Variants in WDR35 observed in about 807,000 individuals in gnomAD.
The protein encoded by WDR35 is WD repeat domain 35.
In WDR35, 118 loss-of-function variants were observed where a neutral mutation model predicts 158.3. That is an observed-to-expected ratio of 0.75 (90% CI 0.64 to 0.87). The LOEUF (loss-of-function observed/expected upper bound fraction) is 0.87. WDR35 is among the 40% of genes least tolerant of loss of function. WDR35 has a pLI of 0.00. For synonymous variants in WDR35, 448 were observed against 476.1 expected, an observed-to-expected ratio of 0.94 and a Z score of 0.77; for missense variants, 1,263 against 1,405.8, an observed-to-expected ratio of 0.90 and a Z score of 1.62.
chr2:19,919,497 C>T (rs540289370), intron 25 of WDR35, among the ~76,000 whole-genome samples: 11 of 151,216 alleles, frequency 7.3e-5, no homozygotes, highest in South Asian at 2.1e-4. Context: ...GGGCAAATAA[C>T]GAAATGAAGG....
intron 12 of WDR35, chr2:19,952,030 A>T (rs1671253560): frequency 6.5e-6 from 1 of 152,856 alleles, no homozygotes; most frequent in Non-Finnish European, 1.5e-5. Flanking sequence ...TTTTAAAATA[A>T]ATTTAAGGGG....
At chr2:19,988,650 G>A (rs569297368) in intron 2 of WDR35, among the ~76,000 whole-genome samples, 204 of 152,254 alleles carry the variant, frequency 1.3e-3, no homozygotes, top group Non-Finnish European at 2.4e-3. Flanking sequence ...GCTAAGAAGT[G>A]GGAAGCTGTT....
intron 3 of WDR35, among the ~76,000 whole-genome samples, chr2:19,982,169 T>C (rs1380707516): frequency 6.6e-6 from 1 of 152,158 alleles, no homozygotes; most frequent in Non-Finnish European, 1.5e-5. Context: ...ATATTCAACA[T>C]TTTAGTATAA....
At position 19,974,568 on chromosome 2, in the gene WDR35, C is replaced by A. The variant is rs781016618; in HGVS notation, c.636G>T (p.Trp212Cys). The stretch of plus-strand genomic sequence containing the variant: ...CCACGTAGCCTTCTGTGCCATGGTA[C>A]CAATGAATTCCAGCAATGCTGATAG... ...TGAISIAGIH[W>C]YHGTEGYVEP... is the part of the protein sequence containing the mutation. The change falls in exon 7 of 27, where the codon TGG (tryptophan) becomes TGT (cysteine). Residue 212 changes from tryptophan to cysteine, a missense_variant. Coordinates refer to ENST00000281405, the MANE Select transcript of WDR35 (RefSeq NM_020779.4). 6.2e-7 allele frequency: 1 copy of A among 1,613,446 alleles called. No homozygotes were observed. Among genetic ancestry groups the A allele is most frequent in the Non-Finnish European group, 8.5e-7 (1 of 1,179,768 alleles).
intron 11 of WDR35, among the ~76,000 whole-genome samples, chr2:19,957,656 G>A (rs1237650395): frequency 7.2e-5 from 11 of 151,774 alleles, no homozygotes; most frequent in Admixed American, 2.0e-4. Flanking sequence ...GGGTTCAAGC[G>A]ATTCTCCTGC....
chr2:19,970,530 A>T (rs1672005840), intron 8 of WDR35, among the ~76,000 whole-genome samples: 2 of 152,142 alleles, frequency 1.3e-5, no homozygotes, highest in Admixed American at 6.5e-5. Flanking sequence ...TGGAACACAG[A>T]TCTAATCATA....
chr2:19,958,246 T>C (rs973807305), intron 11 of WDR35, among the ~76,000 whole-genome samples: 2 of 152,218 alleles, frequency 1.3e-5, no homozygotes, highest in East Asian at 1.9e-4. Context: ...ATGGCCACTT[T>C]CCATGCCTTC....
intron 25 of WDR35, 37 bp from the exon 26 acceptor site, chr2:19,914,314 A>C: frequency 6.2e-7 from 1 of 1,612,046 alleles, no homozygotes; most frequent in Non-Finnish European, 8.5e-7. Context: ...TTTTAAAATA[A>C]TTATTATGAT....
At chr2:19,956,889 G>A (rs1671461936) in intron 11 of WDR35, among the ~76,000 whole-genome samples, 1 of 152,158 alleles carries the variant, frequency 6.6e-6, no homozygotes, top group Non-Finnish European at 1.5e-5. Flanking sequence ...AAAGTGCTGG[G>A]ATTACAGGCG....
chr2:19,950,321 A>G (rs1671196305), intron 13 of WDR35, among the ~76,000 whole-genome samples: 1 of 139,224 alleles, frequency 7.2e-6, no homozygotes, highest in African/African-American at 2.7e-5. Context: ...AAAGACAGAA[A>G]AAGACCTATC....
chr2:19,924,360 C>G (rs1266656132), intron 25 of WDR35, among the ~76,000 whole-genome samples: 2 of 151,836 alleles, frequency 1.3e-5, no homozygotes, highest in African/African-American at 2.4e-5. Context: ...GTCAGGAGAT[C>G]GAGACCATCC....
Position 19,914,269 on chromosome 2 carries a change from G to T in WDR35, c.3130C>A (p.Leu1044Met), listed in dbSNP as rs780282324. The change falls in exon 26 of 27, where the codon CTG becomes ATG. Residue 1044 changes from leucine (L) to methionine (M), a missense_variant. Physicochemically the swap from Leu to Met is conservative, Grantham distance 15. Coordinates refer to ENST00000281405, the MANE Select transcript of WDR35 (RefSeq NM_020779.4). ...GGGATGATGTCTTCATAGTCTTTCA[G>T]GTGAAGAGCTAAGAAAAACAGGGCA... ...VDTALKTALH[L>M]KDYEDIIPPV... 17 of 1,614,062 alleles carry T rather than the reference G, an allele frequency of 1.1e-5. No homozygotes were observed. The East Asian group carries it at 3.6e-4, about 34-fold the overall frequency.
intron 8 of WDR35, among the ~76,000 whole-genome samples, chr2:19,973,299 T>C (rs970306991): frequency 6.6e-6 from 1 of 152,092 alleles, no homozygotes; most frequent in Non-Finnish European, 1.5e-5. Flanking sequence ...GAGAAAATAT[T>C]CAAAATAACT....
Position 19,953,215 on chromosome 2 carries a change from C to G in WDR35, c.1400+619G>C, listed in dbSNP as rs185956901. Among the ~76,000 whole-genome samples, 21 of 152,300 alleles carry G rather than the reference C, an allele frequency of 1.4e-4. No individual in the cohort carries two copies. The East Asian group carries it at 4.1e-3, about 29-fold the overall frequency. ...TGGAGACAATATAACTTACAAAACA[C>G]AGTAAATGCTTCTTCACTTACAGAC... On this transcript the variant is annotated intron_variant, in intron 12 of 26. Transcript: ENST00000281405.
chr2:19,945,062 T>C (rs922013315), intron 16 of WDR35, among the ~76,000 whole-genome samples: 1 of 152,182 alleles, frequency 6.6e-6, no homozygotes, highest in Non-Finnish European at 1.5e-5. Context: ...ATCTTCTTAA[T>C]GATGTTTTGA....
intron 19 of WDR35, among the ~76,000 whole-genome samples, chr2:19,936,710 A>G (rs1349399546): frequency 6.6e-6 from 1 of 152,098 alleles, no homozygotes; most frequent in Non-Finnish European, 1.5e-5. Flanking sequence ...TGCCCTTTTC[A>G]CTTTCCACCA....
intron 3 of WDR35, among the ~76,000 whole-genome samples, chr2:19,981,275 T>C (rs527973980): frequency 6.6e-6 from 1 of 152,342 alleles, no homozygotes; most frequent in East Asian, 1.9e-4. Context: ...GAATAATTGA[T>C]GACTTTTAAT....
chr2:19,982,450 T>C lies in WDR35; in HGVS notation c.214+13A>G, dbSNP rs185814878. 1.6e-5 allele frequency: 25 copies of C among 1,612,714 alleles called. No individual in the cohort carries two copies. Among genetic ancestry groups the C allele is most frequent in the Middle Eastern group, 1.6e-4 (1 of 6,080 alleles). On this transcript the variant is annotated intron_variant, in intron 3 of 26. Coordinates refer to ENST00000281405, the MANE Select transcript of WDR35 (RefSeq NM_020779.4). ...CCACTCAAACATGACTTAAAAGAAA[T>C]TGAATGACTCACCACTATGACCTTC...
rs1670690055 is a variant in WDR35, at chr2:19,936,228, C to T, written c.2405G>A (p.Arg802Gln). 7 of 1,613,720 alleles carry T rather than the reference C, an allele frequency of 4.3e-6. No homozygotes were observed. Among genetic ancestry groups the T allele is most frequent in the East Asian group, 4.5e-5 (2 of 44,888 alleles). Residue 802 changes from arginine to glutamine, a missense_variant, in exon 20 of 27, where the codon CGA becomes CAA. By Grantham distance (43) the Arg-to-Gln change is conservative (BLOSUM62 1). Coordinates refer to ENST00000281405, the MANE Select transcript of WDR35 (RefSeq NM_020779.4). ...CAGGTAAGTTACATACCACTTTTGT[C>T]GATCAGCAAAGTAGTCTCCAATGGC... ...NNAIGDYFAD[R>Q]QKWLNAVQYY...
Sources: gnomAD v4.1 joint callset for allele counts (sites outside exome capture counted in the v4.1 genomes callset) on GRCh38, gnomAD v4.1.1 for gene constraint, MANE v1.5 for transcripts, NCBI Gene and HGNC (gene_info 2026-07-23, HGNC 2026-07-21) for gene names.